Variants in UNC13B observed in about 807,000 individuals in gnomAD.
UNC13B encodes protein unc-13 homolog B.
UNC13B carries 144 observed loss-of-function variants against 211.0 expected under a neutral mutation model. That is an observed-to-expected ratio of 0.68 (90% CI 0.60 to 0.78). The LOEUF is 0.78. Among genes scored for constraint, UNC13B ranks in the 30% least tolerant of loss-of-function variants. The pLI, the probability that UNC13B is intolerant of heterozygous loss-of-function variation, is 0.00. For missense variants in UNC13B, 1,777 were observed against 2,002.0 expected (o/e 0.89, Z 2.14); for synonymous variants, 709 against 725.8 (o/e 0.98, Z 0.37).
chr9:35,203,063 A>C (rs905784141), intron 1 of UNC13B, among the ~76,000 whole-genome samples: 3 of 152,104 alleles, frequency 2.0e-5, no homozygotes, highest in Admixed American at 6.5e-5. Context: ...AAGTGCTGGG[A>C]TTACAGGTGT....
intron 11 of UNC13B, among the ~76,000 whole-genome samples, chr9:35,330,836 G>A (rs192627611): frequency 1.3e-5 from 2 of 152,104 alleles, no homozygotes; most frequent in African/African-American, 4.8e-5. Flanking sequence ...CATTTGGAAG[G>A]GTGGATTTGG....
intron 24 of UNC13B, 138 bp downstream of exon 24, chr9:35,386,431 C>T: frequency 8.7e-7 from 1 of 1,147,694 alleles, no homozygotes; most frequent in Non-Finnish European, 1.2e-6. Flanking sequence ...GGAGTATGAA[C>T]CATGTGGACC....
intron 11 of UNC13B, among the ~76,000 whole-genome samples, chr9:35,317,591 C>T (rs559448237): frequency 9.8e-4 from 141 of 143,298 alleles, no homozygotes; most frequent in African/African-American, 3.4e-3. Flanking sequence ...GGTATGATCT[C>T]GGCTGATTGT....
chr9:35,385,135 C>T (rs1251122298), intron 22 of UNC13B: 1 of 985,338 alleles, frequency 1.0e-6, no homozygotes. Flanking sequence ...TTCAGCTCTT[C>T]ATAGCAGCTC....
chr9:35,275,016 G>T (rs1450794577), intron 7 of UNC13B, among the ~76,000 whole-genome samples: 1 of 152,096 alleles, frequency 6.6e-6, no homozygotes, highest in Non-Finnish European at 1.5e-5. Context: ...AGAATGTATT[G>T]GTTTTCTTGT....
intron 7 of UNC13B, among the ~76,000 whole-genome samples, chr9:35,267,876 A>G (rs1827660873): frequency 1.3e-5 from 2 of 152,118 alleles, no homozygotes; most frequent in African/African-American, 4.8e-5. Flanking sequence ...AGGCTTCTTG[A>G]ATGGGGAAAT....
At chr9:35,204,095 T>C (rs975569839) in intron 1 of UNC13B, among the ~76,000 whole-genome samples, 11 of 152,202 alleles carry the variant, frequency 7.2e-5, no homozygotes, top group African/African-American at 2.4e-4. Flanking sequence ...CCAGCTGGGC[T>C]CAGAAGGGCC....
chr9:35,228,342 T>C (rs1366443868), intron 2 of UNC13B, among the ~76,000 whole-genome samples: 7 of 145,226 alleles, frequency 4.8e-5, no homozygotes, highest in South Asian at 2.2e-4. Context: ...GTGGAAACAA[T>C]TTTTTTTTTT....
chr9:35,384,162 G>A, intron 21 of UNC13B, 84 bp from the exon 22 acceptor site: 1 of 1,591,546 alleles, frequency 6.3e-7, no homozygotes, highest in East Asian at 2.2e-5. Context: ...TACTCATCCA[G>A]GGGTGGTTCT....
chr9:35,274,301 T>C (rs1187518613), intron 7 of UNC13B, among the ~76,000 whole-genome samples: 1 of 152,142 alleles, frequency 6.6e-6, no homozygotes, highest in Non-Finnish European at 1.5e-5. Flanking sequence ...CTCAAACTCC[T>C]GGCCTCAAGC....
chr9:35,334,414 T>C (rs1831540123), intron 11 of UNC13B, among the ~76,000 whole-genome samples: 1 of 152,224 alleles, frequency 6.6e-6, no homozygotes. Context: ...AGACGTCTTT[T>C]GGCCCAGCTT....
chr9:35,172,937 C>T (rs1000132661), intron 1 of UNC13B, among the ~76,000 whole-genome samples: 5 of 152,136 alleles, frequency 3.3e-5, no homozygotes, highest in African/African-American at 1.2e-4. Flanking sequence ...TGTTTTCCTG[C>T]TGCTGCTTGG....
intron 1 of UNC13B, among the ~76,000 whole-genome samples, chr9:35,206,456 C>G (rs1390454842): frequency 6.6e-6 from 1 of 152,150 alleles, no homozygotes; most frequent in African/African-American, 2.4e-5. Context: ...GTTATGTCAT[C>G]TAAAAGGTAT....
At chr9:35,254,488 A>G (rs1241266462) in intron 6 of UNC13B, among the ~76,000 whole-genome samples, 1 of 152,004 alleles carries the variant, frequency 6.6e-6, no homozygotes, top group East Asian at 1.9e-4. Flanking sequence ...CAAAGGCCCT[A>G]CCTCCTAGTA....
At chr9:35,294,597 C>T (rs1050878993) in intron 7 of UNC13B, among the ~76,000 whole-genome samples, 13 of 152,306 alleles carry the variant, frequency 8.5e-5, no homozygotes, top group East Asian at 1.9e-4. Context: ...GGAGCCACCG[C>T]GCCTGGCCCC....
chr9:35,269,227 A>G (rs971160831), intron 7 of UNC13B, among the ~76,000 whole-genome samples: 2 of 152,148 alleles, frequency 1.3e-5, no homozygotes, highest in African/African-American at 4.8e-5. Context: ...AGGTTCAATA[A>G]TTTGCTAGGA....
chr9:35,399,118 C>T, intron 33 of UNC13B, 43 bp from the exon 34 acceptor site: 1 of 1,614,104 alleles, frequency 6.2e-7, no homozygotes. Context: ...GAGAGGGGTT[C>T]TCAAACTCTC....
At chr9:35,297,561 T>TGTTTTTTTTTTTGTTTTTTTG in intron 8 of UNC13B, among the ~76,000 whole-genome samples, 1 of 128,232 alleles carries the variant, frequency 7.8e-6, no homozygotes, top group South Asian at 2.5e-4. Context: ...TTTTTTTTTT[T>TGTTTTTTTTTTTGTTTTTTTG]TTTTTTGAGA....
chr9:35,281,140 C>T (rs1828460871), intron 7 of UNC13B, among the ~76,000 whole-genome samples: 1 of 151,792 alleles, frequency 6.6e-6, no homozygotes, highest in Admixed American at 6.6e-5. Flanking sequence ...GTCCCAGCTA[C>T]TCAGGAGGCT....
Sources: allele counts gnomAD v4.1 joint callset (sites outside exome capture counted in the v4.1 genomes callset), GRCh38; gene constraint gnomAD v4.1.1; transcripts MANE v1.5; gene names NCBI Gene and HGNC (gene_info 2026-07-23, HGNC 2026-07-21).